The following PRKCA variants were observed in gnomAD, a reference collection of about 807,000 sequenced individuals.
PRKCA encodes protein kinase C alpha type.
A neutral mutation model predicts 87.0 loss-of-function variants in PRKCA; 27 were observed. The ratio of observed to expected loss-of-function variants is 0.31; its 90% CI spans 0.23 to 0.43. PRKCA has a LOEUF of 0.43. Among genes scored for constraint, PRKCA ranks in the 20% least tolerant of loss-of-function variants. PRKCA has a pLI of 1.00. For synonymous variants in PRKCA, 329 were observed against 311.1 expected, an observed-to-expected ratio of 1.06 and a Z score of -0.61; for missense variants, 518 against 852.3, an observed-to-expected ratio of 0.61 and a Z score of 4.88.
chr17:66,416,802 C>CG (rs768440477), intron 2 of PRKCA: 1 of 152,138 alleles, frequency 6.6e-6, no homozygotes, highest in African/African-American at 2.4e-5. Context: ...CTGCACACCC[C>CG]GGGTGCCAGA....
intron 2 of PRKCA, among the ~76,000 whole-genome samples, chr17:66,413,486 G>T (rs911026785): frequency 6.6e-6 from 1 of 152,124 alleles, no homozygotes; most frequent in African/African-American, 2.4e-5. Flanking sequence ...TTCCCCAGAG[G>T]TCAGAGGGTG....
At chr17:66,697,865 G>T (rs541042103) in intron 8 of PRKCA, among the ~76,000 whole-genome samples, 1 of 151,956 alleles carries the variant, frequency 6.6e-6, no homozygotes, top group South Asian at 2.1e-4. Flanking sequence ...TAGACAGCCA[G>T]CTCAACTCTG....
chr17:66,653,465 C>T (rs546031239), intron 5 of PRKCA, among the ~76,000 whole-genome samples: 144 of 152,262 alleles, frequency 9.5e-4, no homozygotes, highest in African/African-American at 3.4e-3. Flanking sequence ...GTGGTGTGCA[C>T]TTGTAGTCCC....
chr17:66,754,548 T>C (rs1974507499), intron 13 of PRKCA, among the ~76,000 whole-genome samples: 1 of 152,224 alleles, frequency 6.6e-6, no homozygotes, highest in East Asian at 1.9e-4. Context: ...GGGGTGGCTC[T>C]GATTCACATT....
In PRKCA at chr17:66,778,325, A is replaced by T. The variant is rs530262897; in HGVS notation, c.1605+4258A>T. ...TCAGGAGATTGAGACCATCCTGGCT[A>T]ACACAGTGAAACCCCATCTCTACTA... is the stretch of plus-strand genomic sequence containing the variant. On this transcript the variant is annotated intron_variant, in intron 14 of 16. Transcript: ENST00000413366. The T allele has an allele frequency of 7.0e-5, 43 of 613,290 alleles. 1 individual carries two copies. In the African/African-American group the frequency reaches 7.6e-4, roughly 11 times the overall value. 38.0% of individuals were successfully genotyped at this position (613,290 alleles called of 1,614,324 possible). A position where few individuals can be genotyped will look rare whatever the true frequency, so the allele number is the denominator to read the frequency against.
rs767086217 is a variant in PRKCA, at chr17:66,440,620, T to C, written c.206-55581T>C. ...ATGCTGGAAGTGCATACAACCGGGG[T>C]GTTACCTAGTCTGGGACTGGTGGTC... On this transcript the variant is annotated intron_variant, in intron 2 of 16. Transcript: ENST00000413366. Among the ~76,000 whole-genome samples the C allele has an allele frequency of 7.2e-4, 109 of 151,698 alleles. 1 individual carries two copies. Among genetic ancestry groups the C allele is most frequent in the Non-Finnish European group, 1.3e-3 (88 of 67,932 alleles).
At chr17:66,529,594 A>G (rs1216316128) in intron 3 of PRKCA, among the ~76,000 whole-genome samples, 2 of 152,188 alleles carry the variant, frequency 1.3e-5, no homozygotes, top group Non-Finnish European at 2.9e-5. Context: ...ACAAAATCTC[A>G]TAGTCAGTCT....
chr17:66,699,893 A>G (rs557027159), intron 8 of PRKCA, among the ~76,000 whole-genome samples: 18 of 152,372 alleles, frequency 1.2e-4, no homozygotes, highest in Admixed American at 1.2e-3. Context: ...ATAAGAATTA[A>G]TACCAATCCT....
intron 8 of PRKCA, among the ~76,000 whole-genome samples, chr17:66,721,093 A>G (rs1196880564): frequency 6.6e-6 from 1 of 152,138 alleles, no homozygotes; most frequent in Non-Finnish European, 1.5e-5. Context: ...GTTTACTAAG[A>G]AAGTAAAGGA....
intron 2 of PRKCA, among the ~76,000 whole-genome samples, chr17:66,372,551 G>A (rs1473616889): frequency 6.6e-6 from 1 of 152,132 alleles, no homozygotes; most frequent in Non-Finnish European, 1.5e-5. Context: ...TTTGTGTTAT[G>A]TGTATTCTTT....
At chr17:66,753,909 T>C (rs1198603765) in intron 13 of PRKCA, among the ~76,000 whole-genome samples, 1 of 152,090 alleles carries the variant, frequency 6.6e-6, no homozygotes, top group Non-Finnish European at 1.5e-5. Flanking sequence ...GAGAAATTTC[T>C]GTTGTTTAAG....
chr17:66,504,750 A>G lies in PRKCA; in HGVS notation c.288+8467A>G, dbSNP rs115655686. Among the ~76,000 whole-genome samples the G allele has an allele frequency of 3.6e-3, 552 of 152,304 alleles. 4 individuals carry two copies. The highest frequency in any genetic ancestry group is 0.013 in the African/African-American group (525 of 41,556). On this transcript the variant is annotated intron_variant, in intron 3 of 16. Coordinates refer to ENST00000413366, the MANE Select transcript of PRKCA (RefSeq NM_002737.3). The stretch of plus-strand genomic sequence containing the variant: ...TGGTGACATTTCAAGATGTATTTCA[A>G]TTCTTTTCATCATTTTCCTTTGAAA...
intron 2 of PRKCA, among the ~76,000 whole-genome samples, chr17:66,346,494 T>C (rs1348205307): frequency 1.3e-5 from 2 of 152,094 alleles, no homozygotes; most frequent in Admixed American, 1.3e-4. Context: ...AGCTTCTTGC[T>C]TCAGCCTCCC....
At chr17:66,368,672 A>T (rs555231314) in intron 2 of PRKCA, among the ~76,000 whole-genome samples, 1 of 152,018 alleles carries the variant, frequency 6.6e-6, no homozygotes, top group Non-Finnish European at 1.5e-5. Context: ...GATTACAGGC[A>T]TAAGCCACCA....
chr17:66,443,917 C>T (rs1315272470), intron 2 of PRKCA, among the ~76,000 whole-genome samples: 1 of 152,130 alleles, frequency 6.6e-6, no homozygotes, highest in Non-Finnish European at 1.5e-5. Context: ...AACCCAGAAA[C>T]GCAGGCGGTC....
intron 15 of PRKCA, among the ~76,000 whole-genome samples, chr17:66,787,604 G>C (rs1975433177): frequency 6.6e-6 from 1 of 152,158 alleles, no homozygotes; most frequent in Non-Finnish European, 1.5e-5. Context: ...TCAATATGCT[G>C]ATAAATGAAT....
intron 2 of PRKCA, among the ~76,000 whole-genome samples, chr17:66,391,222 A>G (rs1910340616): frequency 6.6e-6 from 1 of 152,192 alleles, no homozygotes; most frequent in South Asian, 2.1e-4. Context: ...CCCTGTCCCC[A>G]CACGTGGACA....
chr17:66,302,624 T>TGGGGCCAGCGGG lies in PRKCA; in HGVS notation c.-227_-216dup, dbSNP rs1171849030. On this transcript the variant is annotated 5_prime_UTR_variant, in exon 1 of 17. Coordinates refer to ENST00000413366, the MANE Select transcript of PRKCA (RefSeq NM_002737.3). ...CCGGGCACCGGGCTGTCAGTGAGCC[T>TGGGGCCAGCGGG]GGGGCCAGCGGGCGAGCCAGCGGCT... 1 of 154,248 alleles carries TGGGGCCAGCGGG rather than the reference T, an allele frequency of 6.5e-6. No individual in the cohort carries two copies. The highest frequency in any genetic ancestry group is 1.4e-5 in the Non-Finnish European group (1 of 72,440). The allele number at this position is 154,248 out of a possible 1,614,324, so 9.6% of individuals were successfully genotyped here.
chr17:66,339,908 A>G (rs1335100156), intron 2 of PRKCA: 1 of 152,210 alleles, frequency 6.6e-6, no homozygotes, highest in East Asian at 1.9e-4. Context: ...AAATCTGCCA[A>G]TTAATGAATG....
Sources: gnomAD v4.1 joint callset for allele counts (sites outside exome capture counted in the v4.1 genomes callset) on GRCh38, gnomAD v4.1.1 for gene constraint, MANE v1.5 for transcripts, NCBI Gene and HGNC (gene_info 2026-07-23, HGNC 2026-07-21) for gene names.